Variants in PRKCE observed in about 807,000 individuals in gnomAD.
PRKCE encodes the protein protein kinase C epsilon type.
PRKCE carries 16 observed loss-of-function variants against 85.4 expected under a neutral mutation model. The ratio of observed to expected loss-of-function variants is 0.19; its 90% confidence interval spans 0.13 to 0.28. PRKCE has a LOEUF of 0.28. Ranked by LOEUF, PRKCE falls within the 10% of genes least tolerant of loss-of-function variation. PRKCE has a pLI of 1.00. For missense variants in PRKCE, 573 were observed against 975.2 expected (o/e 0.59, Z 5.49); for synonymous variants, 388 against 371.5 (o/e 1.04, Z -0.51).
intron 2 of PRKCE, among the ~76,000 whole-genome samples, chr2:45,961,369 A>T (rs751377916): frequency 2.0e-5 from 3 of 152,200 alleles, no homozygotes; most frequent in Non-Finnish European, 4.4e-5. Context: ...ATAACAAGTT[A>T]TCTCAAATTC....
At chr2:45,771,495 A>G (rs931857133) in intron 1 of PRKCE, among the ~76,000 whole-genome samples, 2 of 152,024 alleles carry the variant, frequency 1.3e-5, no homozygotes, top group African/African-American at 4.8e-5. Context: ...GTCCCCTGCA[A>G]CGGCCTCATC....
chr2:45,657,980 C>T (rs13034899), intron 1 of PRKCE, among the ~76,000 whole-genome samples: 60,022 of 152,088 alleles, frequency 0.39, 12,109 homozygotes, highest in East Asian at 0.56. Context: ...GCAGCCTGAC[C>T]GCACTTTGAT....
chr2:45,715,474 C>T (rs147888884), intron 1 of PRKCE, among the ~76,000 whole-genome samples: 124 of 152,284 alleles, frequency 8.1e-4, no homozygotes, highest in African/African-American at 2.9e-3. Context: ...TTTGGCTTCT[C>T]CTGTTGGAGG....
At chr2:45,670,029 A>G (rs1245255968) in intron 1 of PRKCE, among the ~76,000 whole-genome samples, 1 of 152,160 alleles carries the variant, frequency 6.6e-6, no homozygotes, top group African/African-American at 2.4e-5. Flanking sequence ...ATAAAATAAA[A>G]TTTATATAAT....
At chr2:45,806,645 A>T (rs1456745521) in intron 1 of PRKCE, among the ~76,000 whole-genome samples, 1 of 152,174 alleles carries the variant, frequency 6.6e-6, no homozygotes, top group African/African-American at 2.4e-5. Context: ...TATGAATGTG[A>T]CTACTGTAGG....
intron 1 of PRKCE, among the ~76,000 whole-genome samples, chr2:45,794,341 G>A (rs533254891): frequency 1.2e-4 from 19 of 152,102 alleles, no homozygotes; most frequent in African/African-American, 4.3e-4. Flanking sequence ...CGTTTCCTTC[G>A]AATAATGAAT....
At chr2:46,015,691 C>CAAAAAAAA (rs749060776) in intron 10 of PRKCE, among the ~76,000 whole-genome samples, 48 of 80,608 alleles carry the variant, frequency 6.0e-4, no homozygotes, top group Non-Finnish European at 6.6e-4. Flanking sequence ...AACACTAAAC[C>CAAAAAAAA]AAAAAAAAAA....
intron 6 of PRKCE, among the ~76,000 whole-genome samples, chr2:45,985,050 G>C (rs1252585393): frequency 6.6e-6 from 1 of 152,160 alleles, no homozygotes; most frequent in Non-Finnish European, 1.5e-5. Context: ...GGTGTGAATT[G>C]AGGCTTTTCT....
At chr2:45,860,931 C>T (rs766083879) in intron 2 of PRKCE, among the ~76,000 whole-genome samples, 1 of 152,194 alleles carries the variant, frequency 6.6e-6, no homozygotes, top group Non-Finnish European at 1.5e-5. Flanking sequence ...CTCCTTAACC[C>T]GTGTCCCAGA....
At chr2:45,922,169 A>G (rs1698296561) in intron 2 of PRKCE, among the ~76,000 whole-genome samples, 1 of 152,220 alleles carries the variant, frequency 6.6e-6, no homozygotes, top group Non-Finnish European at 1.5e-5. Context: ...GAAAGATAGT[A>G]TGAGAGTGTC....
At position 46,010,523 on chromosome 2, in the gene PRKCE, T is replaced by C. The variant is rs1705572857; in HGVS notation, c.1437+6T>C. 3 of 1,599,054 alleles carry C rather than the reference T, an allele frequency of 1.9e-6. No individual in the cohort carries two copies. The highest frequency in any genetic ancestry group is 2.5e-6 in the Non-Finnish European group (3 of 1,179,456). ...ACTGCTGCTTCCAGACCAAGGTATG[T>C]TAGGAAGAAGCTGGCTGGCTGCCAT... On this transcript the variant is annotated splice_donor_region_variant and intron_variant, in intron 10 of 14. Coordinates refer to ENST00000306156, the MANE Select transcript of PRKCE (RefSeq NM_005400.3).
intron 13 of PRKCE, among the ~76,000 whole-genome samples, chr2:46,156,748 C>A (rs1258074977): frequency 6.6e-6 from 1 of 152,128 alleles, no homozygotes; most frequent in Non-Finnish European, 1.5e-5. Context: ...TATATTTAGG[C>A]CTTAAATATT....
At chr2:45,825,183 C>T (rs1689845271) in intron 1 of PRKCE, among the ~76,000 whole-genome samples, 1 of 152,222 alleles carries the variant, frequency 6.6e-6, no homozygotes, top group Admixed American at 6.5e-5. Context: ...CTCTTACTCC[C>T]TTTTCTGTGT....
At chr2:45,718,893 G>T (rs1323373934) in intron 1 of PRKCE, among the ~76,000 whole-genome samples, 1 of 152,150 alleles carries the variant, frequency 6.6e-6, no homozygotes, top group Non-Finnish European at 1.5e-5. Context: ...AGTTCTTATG[G>T]TCAAATGAAT....
chr2:45,806,344 A>C (rs1204693947), intron 1 of PRKCE, among the ~76,000 whole-genome samples: 1 of 152,206 alleles, frequency 6.6e-6, no homozygotes, highest in African/African-American at 2.4e-5. Flanking sequence ...CTCCCCAAGC[A>C]GGGACTCAGA....
chr2:46,072,552 C>G (rs921933558), intron 10 of PRKCE, among the ~76,000 whole-genome samples: 7 of 152,220 alleles, frequency 4.6e-5, no homozygotes, highest in African/African-American at 1.7e-4. Flanking sequence ...GCTATCTAAA[C>G]ACGGTCGGGA....
chr2:46,152,699 C>T (rs1383463581), intron 13 of PRKCE, among the ~76,000 whole-genome samples: 3 of 151,844 alleles, frequency 2.0e-5, no homozygotes, highest in Non-Finnish European at 2.9e-5. Context: ...CAGGCGCCCA[C>T]CACCATGCTC....
Position 46,101,380 on chromosome 2 carries a change from G to A in PRKCE, c.1592+15018G>A, listed in dbSNP as rs72808745. On this transcript the variant is annotated intron_variant, in intron 11 of 14. Transcript: ENST00000306156. Reference sequence around the variant, plus strand: ...CTTTCTGGAGGAAGTGACCACTCCCGGAGAGATCCAATGGGCTAAGTAAGA... The same window carrying A: ...CTTTCTGGAGGAAGTGACCACTCCCAGAGAGATCCAATGGGCTAAGTAAGA... Among the ~76,000 whole-genome samples, 682 of 152,288 alleles carry A rather than the reference G, an allele frequency of 4.5e-3. 2 individuals carry two copies. The highest frequency in any genetic ancestry group is 0.031 in the Middle Eastern group (9 of 294).
chr2:45,966,363 C>T (rs1360849101), intron 2 of PRKCE, among the ~76,000 whole-genome samples: 2 of 152,150 alleles, frequency 1.3e-5, no homozygotes, highest in Non-Finnish European at 2.9e-5. Context: ...TACTACCTTG[C>T]ACGCATGCGG....
Sources: gnomAD v4.1 joint callset for allele counts (sites outside exome capture counted in the v4.1 genomes callset) on GRCh38, gnomAD v4.1.1 for gene constraint, MANE v1.5 for transcripts, NCBI Gene and HGNC (gene_info 2026-07-23, HGNC 2026-07-21) for gene names.